The following GALNT14 variants were observed in gnomAD, a reference collection of about 807,000 sequenced individuals.
GALNT14 encodes the protein polypeptide N-acetylgalactosaminyltransferase 14, also known as UDP-GalNAc:polypeptide N-acetylgalactosaminyltransferase 14.
GALNT14 carries 60 observed loss-of-function variants against 77.5 expected under a neutral mutation model. The ratio of observed to expected loss-of-function variants is 0.77; its 90% CI spans 0.63 to 0.96. GALNT14 has a LOEUF of 0.96. GALNT14 is among the 40% of genes least tolerant of loss of function. The pLI is 0.00. For missense variants in GALNT14, 710 were observed against 731.0 expected (o/e 0.97, Z 0.33); for synonymous variants, 280 against 281.7 (o/e 0.99, Z 0.06).
intron 13 of GALNT14, among the ~76,000 whole-genome samples, chr2:30,913,790 A>G (rs769836807): frequency 9.5e-4 from 144 of 152,198 alleles, no homozygotes; most frequent in Non-Finnish European, 1.9e-3. Context: ...AGAGATGCAA[A>G]TATAGATGAA....
the GALNT14 span, among the ~76,000 whole-genome samples, chr2:30,895,124 G>C: frequency 6.6e-6 from 1 of 152,212 alleles, no homozygotes; most frequent in Admixed American, 6.5e-5. Context: ...TGTTTGATTA[G>C]ATATGGAAGC....
At chr2:31,055,927 T>A (rs894354875) in intron 1 of GALNT14, among the ~76,000 whole-genome samples, 5 of 152,216 alleles carry the variant, frequency 3.3e-5, no homozygotes, top group African/African-American at 1.2e-4. Flanking sequence ...TTCTCCCCAC[T>A]TGCATTCTTT....
At chr2:30,966,148 C>T (rs768089813) in intron 3 of GALNT14, 56 bp downstream of exon 3, 1 of 1,394,536 alleles carries the variant, frequency 7.2e-7, no homozygotes, top group Non-Finnish European at 1.0e-6. Flanking sequence ...GGAGCAGACA[C>T]ACTGTCACCA....
chr2:30,887,361 T>C, the GALNT14 span, among the ~76,000 whole-genome samples: 5 of 152,212 alleles, frequency 3.3e-5, no homozygotes. Context: ...TTTCAATTTC[T>C]TCATATCCTT....
intron 2 of GALNT14, among the ~76,000 whole-genome samples, chr2:30,987,655 G>A (rs1474595668): frequency 6.6e-6 from 1 of 152,130 alleles, no homozygotes; most frequent in Non-Finnish European, 1.5e-5. Flanking sequence ...TGCATCTGGG[G>A]ATTCAATCAG....
At chr2:30,970,941 C>T (rs1163294177) in intron 2 of GALNT14, among the ~76,000 whole-genome samples, 1 of 152,176 alleles carries the variant, frequency 6.6e-6, no homozygotes, top group Non-Finnish European at 1.5e-5. Context: ...GGTGGCACAC[C>T]TGCTGAGTAA....
At chr2:31,041,250 T>G (rs1573223768) in intron 1 of GALNT14, among the ~76,000 whole-genome samples, 1 of 151,698 alleles carries the variant, frequency 6.6e-6, no homozygotes, top group Non-Finnish European at 1.5e-5. Flanking sequence ...TACAGGTGGG[T>G]GAGGAAGATA....
chr2:30,997,629 G>A (rs1265572463), intron 1 of GALNT14, among the ~76,000 whole-genome samples: 1 of 152,144 alleles, frequency 6.6e-6, no homozygotes, highest in Non-Finnish European at 1.5e-5. Context: ...TCAACCTAGA[G>A]GGAATGTGTT....
intron 1 of GALNT14, among the ~76,000 whole-genome samples, chr2:31,024,836 C>T (rs1383279029): frequency 6.6e-6 from 1 of 152,096 alleles, no homozygotes; most frequent in Non-Finnish European, 1.5e-5. Flanking sequence ...AATGGGGAAC[C>T]ACTGAAAAAT....
At chr2:31,035,724 C>A (rs1178553670) in intron 1 of GALNT14, among the ~76,000 whole-genome samples, 3 of 151,264 alleles carry the variant, frequency 2.0e-5, no homozygotes, top group African/African-American at 7.3e-5. Context: ...TGGGTGGAGC[C>A]AGAGGCCATT....
the GALNT14 span, among the ~76,000 whole-genome samples, chr2:30,891,810 G>A: frequency 2.0e-5 from 3 of 152,092 alleles, no homozygotes; most frequent in African/African-American, 7.2e-5. Context: ...AGAGCACAGT[G>A]AGGACACCAG....
chr2:31,104,366 C>T (rs1329102941), intron 1 of GALNT14, among the ~76,000 whole-genome samples: 6 of 152,252 alleles, frequency 3.9e-5, no homozygotes, highest in Non-Finnish European at 5.9e-5. Context: ...AACAGATATA[C>T]ATTTTTGTTC....
chr2:31,119,392 T>C (rs1678271718), intron 1 of GALNT14, among the ~76,000 whole-genome samples: 1 of 151,902 alleles, frequency 6.6e-6, no homozygotes, highest in Non-Finnish European at 1.5e-5. Flanking sequence ...AGTAGAAAAA[T>C]AGGGAGAGGA....
rs545694815 is a variant in GALNT14 at position 31,048,210 on chromosome 2, G to A, written c.130-55203C>T. The stretch of plus-strand genomic sequence containing the variant: ...CCCCATCACCTGCAAGGACCACCAG[G>A]TATATGTTTTTCCCACACCAGGATT... On this transcript the variant is annotated intron_variant, in intron 1 of 14. Coordinates refer to ENST00000349752, the MANE Select transcript of GALNT14 (RefSeq NM_024572.4). Among the ~76,000 whole-genome samples the A allele has an allele frequency of 3.3e-5, 5 of 152,332 alleles. No individual in the cohort carries two copies. The South Asian group carries it at 8.3e-4, about 25-fold the overall frequency.
chr2:31,005,533 ATAT>A (rs1431912220), intron 1 of GALNT14, among the ~76,000 whole-genome samples: 3 of 152,232 alleles, frequency 2.0e-5, no homozygotes, highest in South Asian at 2.1e-4. Context: ...CATACACAAC[ATAT>A]TATCATTACA....
the GALNT14 span, among the ~76,000 whole-genome samples, chr2:30,905,006 T>C: frequency 1.2e-4 from 18 of 152,242 alleles, no homozygotes; most frequent in Middle Eastern, 3.4e-3. Context: ...GGGTCCTGTC[T>C]GTTAGAAGGA....
chr2:31,045,187 G>A (rs1673361799), intron 1 of GALNT14, among the ~76,000 whole-genome samples: 1 of 152,184 alleles, frequency 6.6e-6, no homozygotes, highest in Admixed American at 6.5e-5. Context: ...TCAGGAAGAT[G>A]AGAAAACTGG....
intron 2 of GALNT14, among the ~76,000 whole-genome samples, chr2:30,992,469 T>C (rs1669765101): frequency 6.6e-6 from 1 of 152,114 alleles, no homozygotes; most frequent in Admixed American, 6.5e-5. Context: ...TGCCTTCCCC[T>C]ACTTTGGAAC....
At chr2:31,026,603 C>T (rs1672070803) in intron 1 of GALNT14, among the ~76,000 whole-genome samples, 1 of 152,188 alleles carries the variant, frequency 6.6e-6, no homozygotes, top group Non-Finnish European at 1.5e-5. Flanking sequence ...GTGCTTATCA[C>T]TTATAGGGAG....
Sources: gnomAD v4.1 joint callset for allele counts (sites outside exome capture counted in the v4.1 genomes callset) on GRCh38, gnomAD v4.1.1 for gene constraint, MANE v1.5 for transcripts, NCBI Gene and HGNC (gene_info 2026-07-23, HGNC 2026-07-21) for gene names.